The following MGA variants were observed in gnomAD, a reference collection of about 807,000 sequenced individuals.
MGA encodes the protein MAX dimerization protein MGA, also known as MAX gene-associated protein.
In MGA, 40 loss-of-function variants were observed where a neutral mutation model predicts 261.1. That is an observed-to-expected ratio of 0.15 (90% confidence interval 0.12 to 0.20). The LOEUF (loss-of-function observed/expected upper bound fraction) is 0.20, where lower values mean the gene tolerates loss of function less well. Ranked by LOEUF, MGA falls within the 10% of genes least tolerant of loss-of-function variation. The pLI is 1.00. For missense variants in MGA, 3,397 were observed against 3,630.5 expected (o/e 0.94, Z 1.65); for synonymous variants, 1,302 against 1,290.6 (o/e 1.01, Z -0.19).
intron 1 of MGA, among the ~76,000 whole-genome samples, chr15:41,623,775 A>ATT (rs202119156): frequency 9.0e-6 from 1 of 110,752 alleles, no homozygotes; most frequent in African/African-American, 3.4e-5. Context: ...ATATATATAT[A>ATT]TTTTTTTTTT....
Position 41,725,280 on chromosome 15 carries a change from C to T in MGA, c.3431-1900C>T, listed in dbSNP as rs576050355. ...ATGAGGCCAGGAGTTCAAAACAGGC[C>T]TGGGTAACATAGTGAGACCTGGTCT... On this transcript the variant is annotated intron_variant, in intron 9 of 23. Coordinates refer to ENST00000219905, the MANE Select transcript of MGA (RefSeq NM_001164273.2). Among the ~76,000 whole-genome samples the T allele has an allele frequency of 3.9e-5, 6 of 152,232 alleles. No individual in the cohort carries two copies. In the South Asian group the frequency reaches 1.2e-3, roughly 32 times the overall value.
chr15:41,667,111 C>T lies in MGA; in HGVS notation c.-67-1717C>T, dbSNP rs114717363. On this transcript the variant is annotated intron_variant, in intron 1 of 23. Coordinates refer to ENST00000219905, the MANE Select transcript of MGA (RefSeq NM_001164273.2). ...GTAAAAAAACAGTATCTCAAGATGA[C>T]TTTAATTTGCTTTCCTCTTAACTAT... 1.6e-3 allele frequency among the ~76,000 whole-genome samples: 242 copies of T among 152,260 alleles called. 1 individual carries two copies. The highest frequency in any genetic ancestry group is 5.7e-3 in the African/African-American group (237 of 41,550).
intron 2 of MGA, among the ~76,000 whole-genome samples, chr15:41,679,186 C>T (rs1013947183): frequency 6.6e-6 from 1 of 152,052 alleles, no homozygotes; most frequent in African/African-American, 2.4e-5. Context: ...CAGGTGCGCA[C>T]CACTGTGCCC....
At chr15:41,728,698 A>G (rs1286341286) in intron 10 of MGA, among the ~76,000 whole-genome samples, 1 of 152,198 alleles carries the variant, frequency 6.6e-6, no homozygotes, top group Non-Finnish European at 1.5e-5. Context: ...GGTGGAAGAA[A>G]ATCCATATGT....
chr15:41,692,530 C>T (rs143950495), intron 2 of MGA, among the ~76,000 whole-genome samples: 9 of 152,270 alleles, frequency 5.9e-5, no homozygotes, highest in Admixed American at 2.0e-4. Context: ...TAGCTATCTC[C>T]GGTCACCTAG....
chr15:41,630,605 T>C (rs560193289), intron 1 of MGA, among the ~76,000 whole-genome samples: 3 of 152,308 alleles, frequency 2.0e-5, no homozygotes, highest in South Asian at 4.1e-4. Context: ...GTACAAAGTT[T>C]AGTGAAATGT....
intron 2 of MGA, among the ~76,000 whole-genome samples, chr15:41,675,099 G>A (rs2058305742): frequency 1.3e-5 from 2 of 152,174 alleles, no homozygotes; most frequent in Non-Finnish European, 1.5e-5. Context: ...AAACTAGTAC[G>A]AACTTTCTTA....
intron 9 of MGA, among the ~76,000 whole-genome samples, chr15:41,717,703 C>A (rs922805852): frequency 6.6e-6 from 1 of 152,120 alleles, no homozygotes; most frequent in South Asian, 2.1e-4. Context: ...GACTAAATCC[C>A]ATTTGATACA....
chr15:41,663,032 A>G (rs1488885893), intron 1 of MGA, among the ~76,000 whole-genome samples: 1 of 152,182 alleles, frequency 6.6e-6, no homozygotes. Flanking sequence ...TTAGGAAACT[A>G]TCTAGTAAAA....
chr15:41,760,548 T>C lies in MGA; in HGVS notation c.7398+19T>C. The C allele has an allele frequency of 6.2e-7, 1 of 1,610,716 alleles. No individual in the cohort carries two copies. Among genetic ancestry groups the C allele is most frequent in the Non-Finnish European group, 8.5e-7 (1 of 1,177,056 alleles). ...TACTCGAGTAAGTGTTCTGTGTAAA[T>C]GACAGTAAGAGCTTGACTAAGAGAT... On this transcript the variant is annotated intron_variant, in intron 20 of 23. Transcript: ENST00000219905.
chr15:41,674,580 C>T lies in MGA; in HGVS notation c.1064+4622C>T, dbSNP rs147959293. On this transcript the variant is annotated intron_variant, in intron 2 of 23. Coordinates refer to ENST00000219905, the MANE Select transcript of MGA (RefSeq NM_001164273.2). The stretch of plus-strand genomic sequence containing the variant: ...TGTCACCCAGGCTGAAACGTAGTGG[C>T]GTGATCTGGGCTCACTGCAACCTCC... Among the ~76,000 whole-genome samples, 90 of 152,016 alleles carry T rather than the reference C, an allele frequency of 5.9e-4. 1 individual carries two copies. In the East Asian group the frequency reaches 0.013, roughly 23 times the overall value.
At chr15:41,678,125 C>G (rs950809913) in intron 2 of MGA, among the ~76,000 whole-genome samples, 2 of 146,294 alleles carry the variant, frequency 1.4e-5, no homozygotes, top group South Asian at 2.2e-4. Flanking sequence ...GAGTCTTGCT[C>G]TGTCACCCAG....
At chr15:41,718,562 G>C (rs2060778248) in intron 9 of MGA, 1 of 405,942 alleles carries the variant, frequency 2.5e-6, no homozygotes, top group Non-Finnish European at 4.7e-6. Flanking sequence ...CCTGGTGTCT[G>C]GGCTTCTGCA....
At chr15:41,763,707 C>T (rs896598227) in intron 22 of MGA, among the ~76,000 whole-genome samples, 3 of 151,626 alleles carry the variant, frequency 2.0e-5, no homozygotes, top group Non-Finnish European at 2.9e-5. Flanking sequence ...CACACCATTG[C>T]ATTCCAGCCT....
chr15:41,671,234 A>G (rs2058042551), intron 2 of MGA, among the ~76,000 whole-genome samples: 1 of 152,100 alleles, frequency 6.6e-6, no homozygotes, highest in Non-Finnish European at 1.5e-5. Flanking sequence ...GATGGGGGGG[A>G]GGATTTCACA....
chr15:41,646,683 C>T (rs1434480374), intron 1 of MGA, among the ~76,000 whole-genome samples: 1 of 151,784 alleles, frequency 6.6e-6, no homozygotes, highest in Non-Finnish European at 1.5e-5. Flanking sequence ...GTACTCCAGC[C>T]TGGGCAACAG....
chr15:41,731,546 C>G (rs1595895921), intron 11 of MGA, among the ~76,000 whole-genome samples: 1 of 152,152 alleles, frequency 6.6e-6, no homozygotes, highest in African/African-American at 2.4e-5. Flanking sequence ...AAAAAAACTT[C>G]TGTTTTCCCA....
intron 2 of MGA, among the ~76,000 whole-genome samples, chr15:41,678,570 T>G (rs926703484): frequency 2.0e-5 from 3 of 150,664 alleles, no homozygotes; most frequent in African/African-American, 7.3e-5. Flanking sequence ...TGGGGACCAG[T>G]GTGGCCAACA....
In MGA at chr15:41,740,038, A is replaced by G. The variant is rs1176852328; in HGVS notation, c.4435-15A>G. On this transcript the variant is annotated splice_polypyrimidine_tract_variant and intron_variant, in intron 13 of 23. Transcript: ENST00000219905. Reference sequence around the variant, plus strand: ...AGTCCTGGACCTCTCAACCCTCAGTACTGTCATCTCCAAGGTAGCATCCAA... The same window carrying G: ...AGTCCTGGACCTCTCAACCCTCAGTGCTGTCATCTCCAAGGTAGCATCCAA... 6.8e-6 allele frequency: 11 copies of G among 1,613,888 alleles called. No homozygotes were observed. The highest frequency in any genetic ancestry group is 9.3e-6 in the Non-Finnish European group (11 of 1,179,894).
Sources: gnomAD v4.1 joint callset for allele counts (sites outside exome capture counted in the v4.1 genomes callset) on GRCh38, gnomAD v4.1.1 for gene constraint, MANE v1.5 for transcripts, NCBI Gene and HGNC (gene_info 2026-07-23, HGNC 2026-07-21) for gene names.